SBF2: variants seen among roughly 807,000 people sequenced by gnomAD.
The protein encoded by SBF2 is myotubularin-related protein 13.
SBF2 carries 112 observed loss-of-function variants against 225.2 expected under a neutral mutation model. The observed-to-expected ratio is 0.50, with a 90% CI of 0.43 to 0.58. The LOEUF (loss-of-function observed/expected upper bound fraction) is 0.58. SBF2 is among the 20% of genes least tolerant of loss of function. The pLI, the probability that SBF2 is intolerant of heterozygous loss-of-function variation, is 0.00. For missense variants in SBF2, 1,996 were observed against 2,206.2 expected (o/e 0.90, Z 1.91); for synonymous variants, 763 against 773.3 (o/e 0.99, Z 0.22).
At chr11:9,932,957 C>CAAAAAAAAAAAAAAAAA (rs574177096) in intron 16 of SBF2, among the ~76,000 whole-genome samples, 3 of 58,770 alleles carry the variant, frequency 5.1e-5, no homozygotes, top group African/African-American at 1.1e-4. Context: ...AAACGAAAAG[C>CAAAAAAAAAAAAAAAAA]AAAAAAAAAA....
chr11:10,208,133 C>T (rs1267044258), intron 1 of SBF2, among the ~76,000 whole-genome samples: 1 of 152,038 alleles, frequency 6.6e-6, no homozygotes, highest in Admixed American at 6.6e-5. Context: ...TTAAGCAAAT[C>T]CTCTAACTTC....
At chr11:9,931,893 G>C (rs1210543616) in intron 16 of SBF2, among the ~76,000 whole-genome samples, 3 of 152,282 alleles carry the variant, frequency 2.0e-5, no homozygotes, top group South Asian at 4.1e-4. Flanking sequence ...AAAAAGGTTA[G>C]ACGAATGGCT....
At chr11:9,952,477 T>C (rs904572321) in intron 16 of SBF2, among the ~76,000 whole-genome samples, 1 of 152,180 alleles carries the variant, frequency 6.6e-6, no homozygotes, top group African/African-American at 2.4e-5. Context: ...TGGGGTTTTG[T>C]AAACTGGGCT....
intron 1 of SBF2, among the ~76,000 whole-genome samples, chr11:10,275,143 G>A (rs1371170301): frequency 6.6e-6 from 1 of 152,068 alleles, no homozygotes; most frequent in Non-Finnish European, 1.5e-5. Context: ...AGTCAAATGT[G>A]AGTAAAACAA....
chr11:10,073,296 T>C (rs1950966673), intron 2 of SBF2, among the ~76,000 whole-genome samples: 1 of 152,184 alleles, frequency 6.6e-6, no homozygotes, highest in Non-Finnish European at 1.5e-5. Context: ...TAAAAATTAT[T>C]AAAATTATTT....
intron 2 of SBF2, among the ~76,000 whole-genome samples, chr11:10,064,386 C>T (rs972647982): frequency 2.6e-5 from 4 of 151,928 alleles, no homozygotes; most frequent in African/African-American, 9.7e-5. Context: ...AAGGACTTAA[C>T]CTAAAAGAAG....
At chr11:9,928,213 G>A (rs1336495749) in intron 16 of SBF2, among the ~76,000 whole-genome samples, 1 of 152,136 alleles carries the variant, frequency 6.6e-6, no homozygotes, top group African/African-American at 2.4e-5. Context: ...ATATATTTGA[G>A]AAGGACTTGT....
At chr11:10,104,162 C>T (rs997957046) in intron 2 of SBF2, among the ~76,000 whole-genome samples, 2 of 151,612 alleles carry the variant, frequency 1.3e-5, no homozygotes, top group African/African-American at 4.8e-5. Context: ...GCTAGTGAGT[C>T]TAACTTCATC....
chr11:9,805,392 A>G (rs1050332323), intron 32 of SBF2, among the ~76,000 whole-genome samples: 13 of 152,114 alleles, frequency 8.5e-5, no homozygotes, highest in Admixed American at 3.3e-4. Context: ...GTAGTCGTCC[A>G]CGGTATGGAT....
At chr11:10,135,241 C>T (rs950998451) in intron 2 of SBF2, among the ~76,000 whole-genome samples, 4 of 152,004 alleles carry the variant, frequency 2.6e-5, no homozygotes, top group Non-Finnish European at 4.4e-5. Flanking sequence ...CTAGACTGCA[C>T]ACAGCAGTGG....
chr11:9,868,347 A>C (rs1322229145), intron 17 of SBF2, among the ~76,000 whole-genome samples: 2 of 140,368 alleles, frequency 1.4e-5, no homozygotes. Context: ...CAAAAAAAAA[A>C]AAAAAAAAAA....
chr11:10,173,017 T>C (rs998823119), intron 2 of SBF2, among the ~76,000 whole-genome samples: 2 of 152,204 alleles, frequency 1.3e-5, no homozygotes, highest in Admixed American at 1.3e-4. Flanking sequence ...TTCAGCAGCA[T>C]ATTGTTTAAT....
intron 1 of SBF2, among the ~76,000 whole-genome samples, chr11:10,231,629 G>C (rs956673706): frequency 6.6e-6 from 1 of 152,182 alleles, no homozygotes; most frequent in African/African-American, 2.4e-5. Flanking sequence ...AGCGGATATT[G>C]GTGAACTGCA....
At chr11:10,223,522 G>A (rs1366079469) in intron 1 of SBF2, among the ~76,000 whole-genome samples, 1 of 147,504 alleles carries the variant, frequency 6.8e-6, no homozygotes, top group East Asian at 2.0e-4. Flanking sequence ...TTATAGTATT[G>A]TACTGTATTT....
chr11:10,183,493 C>A (rs1956815529), intron 2 of SBF2, among the ~76,000 whole-genome samples: 1 of 152,176 alleles, frequency 6.6e-6, no homozygotes, highest in Non-Finnish European at 1.5e-5. Context: ...AAAATCTTGG[C>A]TTAACTAAAG....
Position 9,836,323 on chromosome 11 carries a change from T to C in SBF2, c.3455+3175A>G, listed in dbSNP as rs1193748364. On this transcript the variant is annotated intron_variant, in intron 26 of 39. Coordinates refer to ENST00000256190, the MANE Select transcript of SBF2 (RefSeq NM_030962.4). ...ATATAGATCTATAGGTCAATGGGAA[T>C]AGGTCAAGATTAATTTTTCCCAGCA... 9.2e-5 allele frequency among the ~76,000 whole-genome samples: 14 copies of C among 152,300 alleles called. No individual in the cohort carries two copies. In the East Asian group the frequency reaches 1.9e-3, roughly 21 times the overall value.
At chr11:9,993,659 G>T (rs1044606769) in intron 10 of SBF2, among the ~76,000 whole-genome samples, 1 of 152,152 alleles carries the variant, frequency 6.6e-6, no homozygotes, top group African/African-American at 2.4e-5. Flanking sequence ...TCTAGGCTCT[G>T]ATTTTCTGTC....
intron 1 of SBF2, among the ~76,000 whole-genome samples, chr11:10,252,419 T>C (rs1223766469): frequency 5.9e-5 from 9 of 152,248 alleles, no homozygotes; most frequent in Non-Finnish European, 1.5e-5. Context: ...CTTAGGAGTA[T>C]GTGTCTGTAA....
chr11:9,859,692 ATT>A (rs1857572164), intron 17 of SBF2, among the ~76,000 whole-genome samples: 1 of 152,192 alleles, frequency 6.6e-6, no homozygotes, highest in African/African-American at 2.4e-5. Flanking sequence ...AAGTTGGTTC[ATT>A]TCTTAGGGAC....
Sources: gnomAD v4.1 joint callset for allele counts (sites outside exome capture counted in the v4.1 genomes callset) on GRCh38, gnomAD v4.1.1 for gene constraint, MANE v1.5 for transcripts, NCBI Gene and HGNC (gene_info 2026-07-23, HGNC 2026-07-21) for gene names.